The following GRM5 variants were observed in gnomAD, a reference collection of about 807,000 sequenced individuals.
GRM5 encodes the protein glutamate metabotropic receptor 5.
In GRM5, 19 loss-of-function variants were observed where a neutral mutation model predicts 83.1. That is an observed-to-expected ratio of 0.23 (90% CI 0.16 to 0.34). The LOEUF (loss-of-function observed/expected upper bound fraction) is 0.34. GRM5 is among the 10% of genes least tolerant of loss of function. GRM5 has a pLI of 1.00. For missense variants in GRM5, 1,160 were observed against 1,588.3 expected, an observed-to-expected ratio of 0.73 and a Z score of 4.58; for synonymous variants, 675 against 633.6, an observed-to-expected ratio of 1.07 and a Z score of -0.98.
At chr11:88,784,812 G>A (rs2135467072) in intron 3 of GRM5, among the ~76,000 whole-genome samples, 1 of 152,112 alleles carries the variant, frequency 6.6e-6, no homozygotes, top group African/African-American at 2.4e-5. Flanking sequence ...GCAGATACAG[G>A]GCTGCCCGTC....
chr11:88,521,491 T>G (rs1322487653), intron 9 of GRM5, among the ~76,000 whole-genome samples: 1 of 152,032 alleles, frequency 6.6e-6, no homozygotes, highest in Admixed American at 6.5e-5. Context: ...TAACATTCAG[T>G]GTTGAGGTTT....
intron 4 of GRM5, among the ~76,000 whole-genome samples, chr11:88,627,464 A>T (rs1237640753): frequency 6.6e-6 from 1 of 151,906 alleles, no homozygotes; most frequent in Admixed American, 6.6e-5. Context: ...CCTTCTATTC[A>T]CTCTTAGTAA....
chr11:88,559,496 A>C (rs879359828), intron 8 of GRM5, among the ~76,000 whole-genome samples: 11 of 152,170 alleles, frequency 7.2e-5, no homozygotes, highest in Non-Finnish European at 1.3e-4. Context: ...GTGTACAATA[A>C]ATGAGCTAAT....
chr11:88,946,762 G>A (rs1280663438), intron 2 of GRM5, among the ~76,000 whole-genome samples: 4 of 151,990 alleles, frequency 2.6e-5, no homozygotes, highest in South Asian at 2.1e-4. Context: ...ACCAAATTAC[G>A]TTTTGCGTTT....
At chr11:88,845,458 G>A (rs1359222199) in intron 3 of GRM5, among the ~76,000 whole-genome samples, 3 of 61,318 alleles carry the variant, frequency 4.9e-5, no homozygotes, top group South Asian at 9.5e-4. Flanking sequence ...TTTTGAGACA[G>A]AGTCTCGCTC....
At chr11:88,758,867 A>G (rs1202174974) in intron 3 of GRM5, among the ~76,000 whole-genome samples, 1 of 152,168 alleles carries the variant, frequency 6.6e-6, no homozygotes, top group Non-Finnish European at 1.5e-5. Context: ...TTACAAAGGG[A>G]AATCCATCAT....
chr11:88,651,735 T>C (rs138962938), intron 4 of GRM5, among the ~76,000 whole-genome samples: 79 of 152,176 alleles, frequency 5.2e-4, no homozygotes, highest in African/African-American at 1.8e-3. Flanking sequence ...GTTGCAATGA[T>C]TTCTGGATTT....
At chr11:88,851,610 T>C (rs1944391526) in intron 2 of GRM5, among the ~76,000 whole-genome samples, 1 of 152,206 alleles carries the variant, frequency 6.6e-6, no homozygotes, top group Non-Finnish European at 1.5e-5. Context: ...AGATAGTAGG[T>C]GTCAGGATCT....
chr11:88,786,492 C>T (rs980067231), intron 3 of GRM5, among the ~76,000 whole-genome samples: 3 of 151,980 alleles, frequency 2.0e-5, no homozygotes, highest in Non-Finnish European at 4.4e-5. Context: ...GCTTTTTGAA[C>T]TCATCTCTTT....
intron 8 of GRM5, among the ~76,000 whole-genome samples, chr11:88,565,540 G>T (rs1459491371): frequency 6.6e-6 from 1 of 152,174 alleles, no homozygotes; most frequent in African/African-American, 2.4e-5. Flanking sequence ...TCTGTTTACA[G>T]ATAGGACTTG....
intron 2 of GRM5, among the ~76,000 whole-genome samples, chr11:88,927,902 T>C (rs181922571): frequency 6.6e-6 from 1 of 152,200 alleles, no homozygotes; most frequent in East Asian, 1.9e-4. Flanking sequence ...TGGTTAAAAT[T>C]AAGGGAAAGG....
intron 3 of GRM5, among the ~76,000 whole-genome samples, chr11:88,658,071 G>T (rs1451671732): frequency 1.3e-5 from 2 of 152,074 alleles, no homozygotes; most frequent in Non-Finnish European, 2.9e-5. Context: ...GTGAGCCCTG[G>T]GTGAGTGAGC....
intron 3 of GRM5, among the ~76,000 whole-genome samples, chr11:88,665,256 A>G (rs1940012839): frequency 6.6e-6 from 1 of 151,818 alleles, no homozygotes; most frequent in Non-Finnish European, 1.5e-5. Context: ...AACTGCCTTA[A>G]ACCATTAAAT....
At position 88,603,860 on chromosome 11, in the gene GRM5, T is replaced by C. The variant is rs190090757; in HGVS notation, c.1394+858A>G. On this transcript the variant is annotated intron_variant, in intron 5 of 9. Coordinates refer to ENST00000305447, the MANE Select transcript of GRM5 (RefSeq NM_001143831.3). ...TTGGCAGGGTCAACTACAAACAGAG[T>C]GTATAGACAGTTTTCCAAGCACAGT... is the stretch of plus-strand genomic sequence containing the variant. Among the ~76,000 whole-genome samples the C allele has an allele frequency of 1.2e-3, 176 of 152,146 alleles. 1 individual carries two copies. The Middle Eastern group carries it at 0.014, about 12-fold the overall frequency.
intron 2 of GRM5, among the ~76,000 whole-genome samples, chr11:88,881,666 A>T (rs986376187): frequency 1.3e-5 from 2 of 152,136 alleles, no homozygotes; most frequent in African/African-American, 4.8e-5. Context: ...GTTCTCTTAG[A>T]CTTTTCTAGT....
chr11:89,026,183 G>T (rs113164965), intron 2 of GRM5, among the ~76,000 whole-genome samples: 3 of 152,252 alleles, frequency 2.0e-5, no homozygotes, highest in African/African-American at 7.2e-5. Flanking sequence ...TAGGAGGAGG[G>T]AGAGAATAAA....
chr11:89,044,031 G>A (rs1044069486), intron 2 of GRM5, among the ~76,000 whole-genome samples: 1 of 152,176 alleles, frequency 6.6e-6, no homozygotes, highest in Admixed American at 6.6e-5. Context: ...AGCACCATTA[G>A]TAGACGTCAT....
chr11:88,978,884 G>A (rs762659661), intron 2 of GRM5, among the ~76,000 whole-genome samples: 5 of 152,248 alleles, frequency 3.3e-5, no homozygotes, highest in Middle Eastern at 3.4e-3. Flanking sequence ...TGGAAGAGCC[G>A]AGATTGAACG....
At chr11:88,835,611 A>G (rs188669495) in intron 3 of GRM5, among the ~76,000 whole-genome samples, 5 of 152,170 alleles carry the variant, frequency 3.3e-5, no homozygotes, top group Admixed American at 1.3e-4. Flanking sequence ...GGATGACACA[A>G]TTACACTTGT....
Sources: gnomAD v4.1 joint callset for allele counts (sites outside exome capture counted in the v4.1 genomes callset) on GRCh38, gnomAD v4.1.1 for gene constraint, MANE v1.5 for transcripts, NCBI Gene and HGNC (gene_info 2026-07-23, HGNC 2026-07-21) for gene names.